CCDC57: variants seen among roughly 807,000 people sequenced by gnomAD.
CCDC57 encodes coiled-coil domain containing 57.
A neutral mutation model predicts 118.9 loss-of-function variants in CCDC57; 118 were observed. The observed-to-expected ratio is 0.99, with a 90% CI of 0.86 to 1.16. CCDC57 has a LOEUF of 1.16. CCDC57 is among the 50% of genes most tolerant of loss of function. The pLI is 0.00. For missense variants in CCDC57, 1,300 were observed against 1,320.7 expected (o/e 0.98, Z 0.24); for synonymous variants, 527 against 532.9 (o/e 0.99, Z 0.15).
chr17:82,128,641 A>C (rs2037848768), intron 17 of CCDC57, 44 bp from the exon 17 acceptor site: 1 of 1,436,954 alleles, frequency 7.0e-7, no homozygotes, highest in Non-Finnish European at 9.6e-7. Context: ...ATTCACATGT[A>C]CTGATGGTGC....
At chr17:82,126,221 A>G (rs2037409610) in intron 19 of CCDC57, 1 of 259,800 alleles carries the variant, frequency 3.8e-6, no homozygotes, top group Admixed American at 6.6e-5. Flanking sequence ...AGGAGCTTGC[A>G]GTGAGCTGAG....
intron 19 of CCDC57, among the ~76,000 whole-genome samples, chr17:82,123,982 C>CAAA (rs200031813): frequency 2.2e-4 from 14 of 64,282 alleles, no homozygotes; most frequent in African/African-American, 3.1e-4. Context: ...CATCCAAAAG[C>CAAA]AAAAAAAAAA....
chr17:82,154,067 C>T (rs1187160894), intron 15 of CCDC57: 9 of 152,372 alleles, frequency 5.9e-5, no homozygotes, highest in Admixed American at 4.6e-4. Flanking sequence ...CCAGTGGACC[C>T]AGGGATGTAA....
intron 11 of CCDC57, among the ~76,000 whole-genome samples, chr17:82,173,825 C>T (rs984886240): frequency 8.6e-6 from 1 of 115,646 alleles, no homozygotes; most frequent in Non-Finnish European, 1.8e-5. Context: ...GAGGTGGCTC[C>T]GGTGCAGGAG....
At chr17:82,150,863 C>T (rs376924220) in intron 16 of CCDC57, among the ~76,000 whole-genome samples, 11 of 109,978 alleles carry the variant, frequency 1.0e-4, no homozygotes, top group South Asian at 7.3e-4. Flanking sequence ...AGGCGCACAC[C>T]CAGAACCTGG....
chr17:82,128,315 G>C (rs1452153781), intron 18 of CCDC57, among the ~76,000 whole-genome samples, 178 bp downstream of exon 17: 1 of 152,090 alleles, frequency 6.6e-6, no homozygotes, highest in Non-Finnish European at 1.5e-5. Context: ...CACCCTTGTG[G>C]GACCACCCGG....
intron 8 of CCDC57, 133 bp from the exon 8 acceptor site, chr17:82,184,065 A>G: frequency 1.7e-6 from 1 of 583,754 alleles, no homozygotes; most frequent in Non-Finnish European, 3.0e-6. Context: ...ACACACACAC[A>G]CACACACACA....
intron 16 of CCDC57, among the ~76,000 whole-genome samples, chr17:82,146,863 G>A (rs1404846928): frequency 2.0e-5 from 3 of 152,046 alleles, no homozygotes; most frequent in Non-Finnish European, 2.9e-5. Context: ...GCACACAAAC[G>A]CTTGTGCAGT....
At chr17:82,181,308 G>A (rs1016997608) in intron 9 of CCDC57, among the ~76,000 whole-genome samples, 1 of 152,252 alleles carries the variant, frequency 6.6e-6, no homozygotes, top group Non-Finnish European at 1.5e-5. Flanking sequence ...CAGGGCGGCC[G>A]GCGGAGCATC....
chr17:82,123,547 T>C (rs988014887), intron 19 of CCDC57, among the ~76,000 whole-genome samples: 2 of 152,074 alleles, frequency 1.3e-5, no homozygotes, highest in Non-Finnish European at 2.9e-5. Flanking sequence ...AACCTAAACA[T>C]GTATGCACCT....
At chr17:82,154,223 G>C (rs1255944043) in intron 15 of CCDC57, 2 of 152,394 alleles carry the variant, frequency 1.3e-5, no homozygotes, top group East Asian at 3.8e-4. Context: ...CCTGGGAGCA[G>C]AGTGCCCCAC....
chr17:82,128,922 GT>G (rs765506600), intron 17 of CCDC57, among the ~76,000 whole-genome samples: 50 of 147,658 alleles, frequency 3.4e-4, no homozygotes, highest in East Asian at 1.4e-3. Context: ...CTGCTTTTTT[GT>G]TTTTTTTTTT....
chr17:82,204,028 G>A (rs2049299950), intron 2 of CCDC57, among the ~76,000 whole-genome samples: 1 of 152,194 alleles, frequency 6.6e-6, no homozygotes, highest in South Asian at 2.1e-4. Context: ...AAGACCCGTG[G>A]GCCCCTCCAG....
intron 5 of CCDC57, among the ~76,000 whole-genome samples, chr17:82,194,746 G>T (rs2048097353): frequency 6.6e-6 from 1 of 152,190 alleles, no homozygotes; most frequent in Admixed American, 6.5e-5. Flanking sequence ...TTTAAATAAG[G>T]AAATTAAACA....
chr17:82,204,602 TGAAA>T (rs754412685), intron 2 of CCDC57, among the ~76,000 whole-genome samples: 8 of 152,142 alleles, frequency 5.3e-5, no homozygotes, highest in Non-Finnish European at 1.2e-4. Flanking sequence ...GCTAACACGG[TGAAA>T]CCCCGTCTCT....
At chr17:82,107,355 G>A (rs965134342) in intron 19 of CCDC57, 1 of 439,068 alleles carries the variant, frequency 2.3e-6, no homozygotes, top group South Asian at 1.6e-5. Flanking sequence ...ACCCGGGTGG[G>A]GCACAGATGC....
chr17:82,201,029 C>T (rs2048933033), intron 3 of CCDC57, among the ~76,000 whole-genome samples: 1 of 152,150 alleles, frequency 6.6e-6, no homozygotes, highest in Non-Finnish European at 1.5e-5. Context: ...TCCTTCCTGT[C>T]TCCTCAAACT....
At chr17:82,163,239 C>T in exon 14 of CCDC57, 3 of 1,614,056 alleles carry the variant, frequency 1.9e-6, no homozygotes, top group Non-Finnish European at 2.5e-6. Flanking sequence ...TTAGGAGCTG[C>T]ACTCTGTCCC....
intron 16 of CCDC57, among the ~76,000 whole-genome samples, chr17:82,150,947 G>C (rs1349168582): frequency 3.7e-5 from 2 of 53,410 alleles, no homozygotes; most frequent in Admixed American, 2.7e-4. Context: ...AGAACCAGGC[G>C]CACACCCAGA....
Sources: gnomAD v4.1 joint callset for allele counts (sites outside exome capture counted in the v4.1 genomes callset) on GRCh38, gnomAD v4.1.1 for gene constraint, MANE v1.5 for transcripts, NCBI Gene and HGNC (gene_info 2026-07-23, HGNC 2026-07-21) for gene names.